DLG2: variants seen among roughly 807,000 people sequenced by gnomAD.
DLG2 encodes the protein discs large MAGUK scaffold protein 2.
DLG2 carries 45 observed loss-of-function variants against 132.5 expected under a neutral mutation model. The observed-to-expected ratio is 0.34, with a 90% confidence interval of 0.27 to 0.44. DLG2 has a LOEUF of 0.44. DLG2 is among the 20% of genes least tolerant of loss of function. The pLI is 1.00. For synonymous variants in DLG2, 424 were observed against 419.6 expected (o/e 1.01, Z -0.13); for missense variants, 1,045 against 1,196.9 (o/e 0.87, Z 1.87).
chr11:84,997,763 G>T (rs1289080277), intron 6 of DLG2: 1 of 152,190 alleles, frequency 6.6e-6, no homozygotes, highest in African/African-American at 2.4e-5. Context: ...AGCCTCTTTA[G>T]CATGGCAGGG....
chr11:84,085,875 T>C (rs1039315431), intron 10 of DLG2, among the ~76,000 whole-genome samples: 10 of 152,252 alleles, frequency 6.6e-5, no homozygotes, highest in African/African-American at 2.2e-4. Context: ...TTCTTGATTA[T>C]ATTTGGAAAA....
At chr11:83,768,208 C>CCTCAGATGATAT (rs2094223976) in intron 18 of DLG2, among the ~76,000 whole-genome samples, 1 of 152,124 alleles carries the variant, frequency 6.6e-6, no homozygotes. Context: ...ATAACCTCAG[C>CCTCAGATGATAT]AACATCTTTT....
At chr11:85,579,960 C>T (rs766275629) in intron 3 of DLG2, among the ~76,000 whole-genome samples, 16 of 152,216 alleles carry the variant, frequency 1.1e-4, no homozygotes, top group Middle Eastern at 3.4e-3. Flanking sequence ...AATTGTAACT[C>T]CCACAATTCA....
At chr11:85,412,444 T>G (rs992654552) in intron 3 of DLG2, among the ~76,000 whole-genome samples, 1 of 151,538 alleles carries the variant, frequency 6.6e-6, no homozygotes, top group African/African-American at 2.4e-5. Context: ...TAGTCGCGAT[T>G]TGTGAGATTT....
intron 6 of DLG2, among the ~76,000 whole-genome samples, chr11:84,555,446 T>TAC (rs35883976): frequency 1.7e-4 from 26 of 151,718 alleles, no homozygotes; most frequent in East Asian, 7.8e-4. Context: ...TATCCATATA[T>TAC]ACACACACAC....
intron 3 of DLG2, among the ~76,000 whole-genome samples, chr11:85,443,102 C>T (rs886258812): frequency 4.6e-5 from 7 of 152,072 alleles, no homozygotes; most frequent in Non-Finnish European, 7.4e-5. Context: ...AAAAATCCTC[C>T]GTAATAGTCA....
chr11:84,444,068 G>A (rs1161616121), intron 7 of DLG2, among the ~76,000 whole-genome samples: 1 of 151,068 alleles, frequency 6.6e-6, no homozygotes, highest in African/African-American at 2.4e-5. Context: ...TCAGGGACAT[G>A]AATGGAGCTG....
At chr11:84,654,396 T>A (rs966311575) in intron 6 of DLG2, among the ~76,000 whole-genome samples, 1 of 152,180 alleles carries the variant, frequency 6.6e-6, no homozygotes, top group Non-Finnish European at 1.5e-5. Flanking sequence ...CAGTCTACCA[T>A]TGATCACTTT....
At chr11:84,731,146 T>C (rs1565808725) in intron 6 of DLG2, among the ~76,000 whole-genome samples, 1 of 152,102 alleles carries the variant, frequency 6.6e-6, no homozygotes, top group Admixed American at 6.6e-5. Flanking sequence ...CAATCTCAAA[T>C]GTAATGCATT....
At chr11:83,743,507 C>T (rs1014280901) in intron 18 of DLG2, among the ~76,000 whole-genome samples, 1 of 143,826 alleles carries the variant, frequency 7.0e-6, no homozygotes, top group Non-Finnish European at 1.5e-5. Flanking sequence ...ACACAGTTCA[C>T]ACTACAATTT....
At chr11:84,436,836 T>C (rs2099002286) in intron 7 of DLG2, among the ~76,000 whole-genome samples, 1 of 152,178 alleles carries the variant, frequency 6.6e-6, no homozygotes, top group Admixed American at 6.5e-5. Flanking sequence ...AATATAATTC[T>C]TGCTCATTGT....
At chr11:85,040,675 A>G (rs2061785843) in intron 6 of DLG2, among the ~76,000 whole-genome samples, 1 of 151,994 alleles carries the variant, frequency 6.6e-6, no homozygotes, top group Non-Finnish European at 1.5e-5. Context: ...GTTTAGAAGC[A>G]AACAGCAAAC....
intron 4 of DLG2, among the ~76,000 whole-genome samples, chr11:85,279,009 A>C (rs2078068475): frequency 6.6e-6 from 1 of 152,210 alleles, no homozygotes; most frequent in South Asian, 2.1e-4. Context: ...TATATGTGAG[A>C]GACTGTTATT....
At chr11:83,912,234 C>CA (rs1565609652) in intron 15 of DLG2, among the ~76,000 whole-genome samples, 1 of 151,834 alleles carries the variant, frequency 6.6e-6, no homozygotes, top group Admixed American at 6.6e-5. Flanking sequence ...TCACAAAAAC[C>CA]AAAAAGTAAC....
At chr11:85,038,285 T>C (rs1477251217) in intron 6 of DLG2, among the ~76,000 whole-genome samples, 4 of 152,144 alleles carry the variant, frequency 2.6e-5, no homozygotes. Flanking sequence ...AGATAATTTT[T>C]GTGAAGTCAC....
At chr11:85,126,864 T>C (rs1213210087) in intron 5 of DLG2, among the ~76,000 whole-genome samples, 2 of 152,210 alleles carry the variant, frequency 1.3e-5, no homozygotes, top group South Asian at 2.1e-4. Context: ...CGCTGTGAGA[T>C]AGGTACCCTT....
At chr11:83,461,747 G>T (rs906586888) in intron 27 of DLG2, 7 of 436,276 alleles carry the variant, frequency 1.6e-5, no homozygotes, top group Non-Finnish European at 2.9e-5. Flanking sequence ...TAGCTCAGGG[G>T]TATCTCCTGC....
At position 85,431,469 on chromosome 11, in the gene DLG2, G is replaced by A. The variant is rs537416969; in HGVS notation, c.41-146104C>T. ...CAGGACCTTGGCTCCCAACCACGGA[G>A]CCCTGCAGATTCTCAACAGCCACAT... On this transcript the variant is annotated intron_variant, in intron 3 of 27. Transcript: ENST00000376104. Among the ~76,000 whole-genome samples the A allele has an allele frequency of 5.9e-5, 9 of 152,324 alleles. No homozygotes were observed. In the South Asian group the frequency reaches 1.7e-3, roughly 28 times the overall value.
At chr11:84,768,637 G>T (rs2068780609) in intron 6 of DLG2, among the ~76,000 whole-genome samples, 1 of 152,096 alleles carries the variant, frequency 6.6e-6, no homozygotes. Flanking sequence ...TATAGAGGAA[G>T]TCAAAGTAAA....
Sources: allele counts gnomAD v4.1 joint callset (sites outside exome capture counted in the v4.1 genomes callset), GRCh38; gene constraint gnomAD v4.1.1; transcripts MANE v1.5; gene names NCBI Gene and HGNC (gene_info 2026-07-23, HGNC 2026-07-21).